The following USP10 variants were observed in gnomAD, a reference collection of about 807,000 sequenced individuals.
USP10 encodes the protein ubiquitin carboxyl-terminal hydrolase 10.
A neutral mutation model predicts 84.5 loss-of-function variants in USP10; 22 were observed. The observed-to-expected ratio is 0.26, with a 90% CI of 0.19 to 0.37. USP10 has a LOEUF of 0.37. Among genes scored for constraint, USP10 ranks in the 10% least tolerant of loss-of-function variants. The pLI is 1.00. For missense variants in USP10, 1,019 were observed against 998.9 expected (o/e 1.02, Z -0.27); for synonymous variants, 454 against 387.6 (o/e 1.17, Z -2.01).
At chr16:84,763,992 T>A in intron 9 of USP10, 94 bp from the exon 10 acceptor site, 2 of 1,434,972 alleles carry the variant, frequency 1.4e-6, no homozygotes, top group African/African-American at 2.9e-5. Context: ...CACCCTGATT[T>A]CATTTTTAAA....
intron 1 of USP10, chr16:84,732,465 G>A: frequency 3.2e-6 from 1 of 309,948 alleles, no homozygotes; most frequent in Non-Finnish European, 6.2e-6. Flanking sequence ...TTTTCTTTTT[G>A]AGATGGAGTC....
At chr16:84,708,387 G>A (rs1200344589) in intron 1 of USP10, among the ~76,000 whole-genome samples, 1 of 152,140 alleles carries the variant, frequency 6.6e-6, no homozygotes, top group Non-Finnish European at 1.5e-5. Flanking sequence ...GGGGGCAGAG[G>A]TTGCTGTGAG....
chr16:84,761,090 T>A lies in USP10; in HGVS notation c.1554+815T>A, dbSNP rs1220148785. 3.9e-5 allele frequency among the ~76,000 whole-genome samples: 6 copies of A among 152,114 alleles called. No individual in the cohort carries two copies. The East Asian group carries it at 1.2e-3, about 29-fold the overall frequency. On this transcript the variant is annotated intron_variant, in intron 8 of 13. Transcript: ENST00000219473. Reference sequence around the variant, plus strand: ...GCAGCTTTTGGTATTGGCTTGGAATTTGCACTTCCCAAGTAATGGGAACAT... The same window carrying A: ...GCAGCTTTTGGTATTGGCTTGGAATATGCACTTCCCAAGTAATGGGAACAT...
intron 10 of USP10, 99 bp downstream of exon 10, chr16:84,764,362 A>G: frequency 6.7e-7 from 1 of 1,501,052 alleles, no homozygotes; most frequent in South Asian, 1.1e-5. Context: ...GACTTCTTGG[A>G]CGTAATGGTT....
At chr16:84,748,302 A>G (rs763366931) in intron 4 of USP10, among the ~76,000 whole-genome samples, 5 of 151,436 alleles carry the variant, frequency 3.3e-5, no homozygotes, top group African/African-American at 1.2e-4. Flanking sequence ...TGAGAATTTT[A>G]TTTTCTTTTC....
At chr16:84,717,935 T>G (rs1339241060) in intron 1 of USP10, among the ~76,000 whole-genome samples, 1 of 152,222 alleles carries the variant, frequency 6.6e-6, no homozygotes, top group Non-Finnish European at 1.5e-5. Context: ...CCCAGAAATT[T>G]GGGATTCGTG....
At chr16:84,767,410 G>A (rs889279125) in intron 10 of USP10, among the ~76,000 whole-genome samples, 1 of 152,152 alleles carries the variant, frequency 6.6e-6, no homozygotes, top group Non-Finnish European at 1.5e-5. Flanking sequence ...AAGGGTGGCA[G>A]CCTTTTTTCC....
At chr16:84,713,650 T>C (rs1426292295) in intron 1 of USP10, among the ~76,000 whole-genome samples, 1 of 152,148 alleles carries the variant, frequency 6.6e-6, no homozygotes, top group East Asian at 1.9e-4. Flanking sequence ...ATGAAAGACA[T>C]ACCACAGTGG....
At chr16:84,706,222 A>G (rs973763700) in intron 1 of USP10, among the ~76,000 whole-genome samples, 1 of 151,844 alleles carries the variant, frequency 6.6e-6, no homozygotes, top group Non-Finnish European at 1.5e-5. Flanking sequence ...TTTACTTTTG[A>G]TAGGACATGT....
At position 84,702,045 on chromosome 16, in the gene USP10, C is replaced by CT. The variant is rs1168917308; in HGVS notation, c.21+1962dup. On this transcript the variant is annotated intron_variant, in intron 1 of 13. Coordinates refer to ENST00000219473, the MANE Select transcript of USP10 (RefSeq NM_005153.3). ...ATTTATTTTGAGATGGAGTTTCGCTCTTTTTTTTTTTTTTTTTTTTTTTTT... is the reference window on the plus strand; with the variant it reads ...ATTTATTTTGAGATGGAGTTTCGCTCTTTTTTTTTTTTTTTTTTTTTTTTTT... Among the ~76,000 whole-genome samples the CT allele has an allele frequency of 5.5e-3, 236 of 42,626 alleles. 37 individuals carry two copies. The highest frequency in any genetic ancestry group is 9.3e-3 in the African/African-American group (84 of 9,064). The allele number at this position is 42,626 out of a possible 152,430, so 28.0% of individuals were successfully genotyped here.
chr16:84,704,700 A>T, intron 1 of USP10: 4 of 1,484,802 alleles, frequency 2.7e-6, no homozygotes, highest in Non-Finnish European at 3.6e-6. Flanking sequence ...TTCAGATCCT[A>T]GATTTTTTCT....
chr16:84,760,351 T>C lies in USP10; in HGVS notation c.1554+76T>C, dbSNP rs751784170. ...GTGTTTGTGTGGTAACTGTTGCTTA[T>C]TGATATTTGCCCTCTGTCTCCAGCG... is the stretch of plus-strand genomic sequence containing the variant. On this transcript the variant is annotated intron_variant, in intron 8 of 13. Transcript: ENST00000219473. 43 of 1,317,540 alleles carry C rather than the reference T, an allele frequency of 3.3e-5. No homozygotes were observed. The African/African-American group carries it at 5.9e-4, about 18-fold the overall frequency. The allele number at this position is 1,317,540 out of a possible 1,614,324, so 81.6% of individuals were successfully genotyped here. A position where few individuals can be genotyped will look rare whatever the true frequency, so the allele number is the denominator to read the frequency against.
At position 84,713,952 on chromosome 16, in the gene USP10, G is replaced by T. The variant is rs541113458; in HGVS notation, c.21+13841G>T. Among the ~76,000 whole-genome samples, 9 of 152,370 alleles carry T rather than the reference G, an allele frequency of 5.9e-5. No homozygotes were observed. In the East Asian group the frequency reaches 1.7e-3, roughly 29 times the overall value. On this transcript the variant is annotated intron_variant, in intron 1 of 13. Coordinates refer to ENST00000219473, the MANE Select transcript of USP10 (RefSeq NM_005153.3). ...AGTTGTCGGGGCTGCAGCACTGGGG[G>T]TTGGCTGGGAAGGTGGATGGGTGCG... is the stretch of plus-strand genomic sequence containing the variant.
At chr16:84,712,357 C>T (rs980896879) in intron 1 of USP10, among the ~76,000 whole-genome samples, 4 of 152,166 alleles carry the variant, frequency 2.6e-5, no homozygotes, top group Non-Finnish European at 4.4e-5. Context: ...CGGAAGCAGC[C>T]GCTGGCCTGG....
chr16:84,725,117 C>G (rs934070977), intron 1 of USP10, among the ~76,000 whole-genome samples: 10 of 152,262 alleles, frequency 6.6e-5, no homozygotes, highest in African/African-American at 2.2e-4. Flanking sequence ...AGTTTTGCAG[C>G]TAACACCGTA....
chr16:84,775,640 C>G (rs991187175), intron 13 of USP10, among the ~76,000 whole-genome samples: 2 of 152,204 alleles, frequency 1.3e-5, no homozygotes, highest in Admixed American at 6.5e-5. Context: ...CGTCCTCCCC[C>G]ACAGGTATTG....
chr16:84,714,233 C>CCA (rs1906698855), intron 1 of USP10, among the ~76,000 whole-genome samples: 1 of 152,164 alleles, frequency 6.6e-6, no homozygotes, highest in East Asian at 1.9e-4. Flanking sequence ...CTGGCGGGAG[C>CCA]CAGCTCGTTG....
intron 2 of USP10, among the ~76,000 whole-genome samples, chr16:84,739,647 C>G (rs1490482140): frequency 1.3e-5 from 2 of 152,132 alleles, no homozygotes; most frequent in Non-Finnish European, 2.9e-5. Context: ...TATGGAATAG[C>G]TAGGAAGAAG....
intron 1 of USP10, among the ~76,000 whole-genome samples, chr16:84,714,951 A>G (rs866571137): frequency 2.5e-4 from 37 of 146,634 alleles, no homozygotes; most frequent in Middle Eastern, 3.5e-3. Flanking sequence ...TTTTTTTGAG[A>G]TGGAGTCTTG....
Sources: allele counts gnomAD v4.1 joint callset (sites outside exome capture counted in the v4.1 genomes callset), GRCh38; gene constraint gnomAD v4.1.1; transcripts MANE v1.5; gene names NCBI Gene and HGNC (gene_info 2026-07-23, HGNC 2026-07-21).